The following SYK variants were observed in gnomAD, a reference collection of about 807,000 sequenced individuals.
SYK encodes tyrosine-protein kinase SYK.
A neutral mutation model predicts 77.8 loss-of-function variants in SYK; 16 were observed. The observed-to-expected ratio is 0.21, with a 90% confidence interval of 0.14 to 0.31. The LOEUF (loss-of-function observed/expected upper bound fraction) is 0.31, where lower values mean the gene tolerates loss of function less well. SYK is among the 10% of genes least tolerant of loss of function. The pLI, the probability that SYK is intolerant of heterozygous loss-of-function variation, is 1.00. For missense variants in SYK, 529 were observed against 814.4 expected, an observed-to-expected ratio of 0.65 and a Z score of 4.26; for synonymous variants, 312 against 308.7, an observed-to-expected ratio of 1.01 and a Z score of -0.11.
chr9:90,857,829 G>A (rs978920169), intron 3 of SYK, among the ~76,000 whole-genome samples: 2 of 151,612 alleles, frequency 1.3e-5, no homozygotes, highest in Non-Finnish European at 2.9e-5. Flanking sequence ...GCCCACCTTA[G>A]CCACAGTGAG....
At chr9:90,837,902 C>G (rs1483351565) in intron 1 of SYK, among the ~76,000 whole-genome samples, 1 of 152,244 alleles carries the variant, frequency 6.6e-6, no homozygotes, top group Non-Finnish European at 1.5e-5. Context: ...TCATGGCTTC[C>G]CTGCATCACT....
intron 1 of SYK, among the ~76,000 whole-genome samples, chr9:90,836,717 T>A (rs1163576811): frequency 1.3e-5 from 2 of 152,218 alleles, no homozygotes; most frequent in Non-Finnish European, 2.9e-5. Context: ...TTTTTCATAA[T>A]GTTTAGTGCA....
At position 90,877,686 on chromosome 9, in the gene SYK, G is replaced by A. The variant is rs1480802433; in HGVS notation, c.1297G>A (p.Val433Met). The A allele has an allele frequency of 1.2e-6, 2 of 1,614,226 alleles. No individual in the cohort carries two copies. ...VMQQLDNPYI[V>M]RMIGICEAES... is the part of the protein sequence containing the mutation. Reference sequence around the variant, plus strand: ...GCAGCAGCTGGACAACCCGTACATCGTGCGGATGATCGGGATATGCGAGGC... The same window carrying A: ...GCAGCAGCTGGACAACCCGTACATCATGCGGATGATCGGGATATGCGAGGC... The change falls in exon 10 of 14, where the codon GTG becomes ATG. Residue 433 changes from valine to methionine, a missense_variant. Around this residue, in one of 2 missense-constraint regions of SYK, gnomAD observed 208 missense variants for 381.3 expected, o/e 0.55. Transcript: ENST00000375754.
intron 3 of SYK, among the ~76,000 whole-genome samples, chr9:90,861,136 C>T (rs948353962): frequency 1.1e-4 from 17 of 152,124 alleles, no homozygotes; most frequent in African/African-American, 4.1e-4. Context: ...GGATTCGCAC[C>T]CATTTCGTGC....
chr9:90,821,503 T>C (rs1325059578), intron 1 of SYK, among the ~76,000 whole-genome samples: 1 of 152,178 alleles, frequency 6.6e-6, no homozygotes, highest in East Asian at 1.9e-4. Flanking sequence ...TCATGAGACT[T>C]ATTCACTACC....
At chr9:90,846,945 T>A (rs546802126) in intron 3 of SYK, among the ~76,000 whole-genome samples, 1 of 152,352 alleles carries the variant, frequency 6.6e-6, no homozygotes, top group Admixed American at 6.5e-5. Flanking sequence ...GCATGTGAAG[T>A]CAACCCAAAA....
At chr9:90,825,704 A>C (rs993454562) in intron 1 of SYK, among the ~76,000 whole-genome samples, 5 of 152,198 alleles carry the variant, frequency 3.3e-5, no homozygotes, top group Non-Finnish European at 7.3e-5. Flanking sequence ...ACATGTAGGA[A>C]GGGAGCAAGG....
At chr9:90,865,819 A>T (rs1251368047) in intron 6 of SYK, among the ~76,000 whole-genome samples, 2 of 148,480 alleles carry the variant, frequency 1.3e-5, no homozygotes, top group East Asian at 2.1e-4. Flanking sequence ...CCAGCCTGTT[A>T]GGAAGTCAGG....
intron 1 of SYK, among the ~76,000 whole-genome samples, chr9:90,824,487 T>G (rs1319877425): frequency 1.3e-5 from 2 of 151,930 alleles, no homozygotes; most frequent in Non-Finnish European, 2.9e-5. Flanking sequence ...TGTTAGAAAA[T>G]CAAACCCAAC....
intron 11 of SYK, among the ~76,000 whole-genome samples, chr9:90,887,107 T>C (rs1828606617): frequency 6.6e-6 from 1 of 152,224 alleles, no homozygotes; most frequent in African/African-American, 2.4e-5. Flanking sequence ...AGAGGATATT[T>C]CCTGTCATAG....
rs1828995582 is a variant in SYK, at chr9:90,896,536, G to A, written c.*936G>A. On this transcript the variant is annotated 3_prime_UTR_variant, in exon 14 of 14. Coordinates refer to ENST00000375754, the MANE Select transcript of SYK (RefSeq NM_003177.7). Reference sequence around the variant, plus strand: ...TCGCTTTCTGTGTCTGCAATGGGGGGCAGCACAGGGATCAAAGCCATCTAA... The same window carrying A: ...TCGCTTTCTGTGTCTGCAATGGGGGACAGCACAGGGATCAAAGCCATCTAA... 1.3e-5 allele frequency: 3 copies of A among 233,026 alleles called. No individual in the cohort carries two copies. Among genetic ancestry groups the A allele is most frequent in the Middle Eastern group, 2.6e-3 (2 of 784 alleles). The allele number at this position is 233,026 out of a possible 1,614,324, so 14.4% of individuals were successfully genotyped here.
intron 4 of SYK, among the ~76,000 whole-genome samples, chr9:90,863,507 A>G (rs549152752): frequency 3.3e-5 from 5 of 149,324 alleles, no homozygotes; most frequent in African/African-American, 1.2e-4. Flanking sequence ...CTGTAATTGG[A>G]AAAAAAAAAT....
intron 3 of SYK, among the ~76,000 whole-genome samples, chr9:90,854,590 C>G (rs766633316): frequency 1.3e-5 from 2 of 152,056 alleles, no homozygotes; most frequent in African/African-American, 4.8e-5. Flanking sequence ...CTCTTTAATA[C>G]ATTAGTTAAA....
At chr9:90,810,414 G>A (rs966831349) in intron 1 of SYK, among the ~76,000 whole-genome samples, 3 of 152,148 alleles carry the variant, frequency 2.0e-5, no homozygotes, top group Admixed American at 1.3e-4. Context: ...TCAATGGGGC[G>A]TAATCACTGC....
intron 1 of SYK, among the ~76,000 whole-genome samples, chr9:90,805,682 A>T (rs921795978): frequency 1.1e-4 from 17 of 152,222 alleles, no homozygotes; most frequent in African/African-American, 3.9e-4. Context: ...TCCCATGGTC[A>T]ACCTGGTAGT....
At chr9:90,857,103 A>G (rs1026865065) in intron 3 of SYK, among the ~76,000 whole-genome samples, 16 of 152,278 alleles carry the variant, frequency 1.1e-4, no homozygotes, top group Admixed American at 9.1e-4. Context: ...TTTGTCCTAT[A>G]CTTCAATTTC....
chr9:90,811,377 A>G (rs1397092627), intron 1 of SYK, among the ~76,000 whole-genome samples: 1 of 152,196 alleles, frequency 6.6e-6, no homozygotes, highest in Non-Finnish European at 1.5e-5. Context: ...AAGTGCTTTC[A>G]CTCAACAACT....
intron 13 of SYK, among the ~76,000 whole-genome samples, chr9:90,890,646 A>G (rs1307364105): frequency 6.6e-6 from 1 of 152,240 alleles, no homozygotes; most frequent in Non-Finnish European, 1.5e-5. Flanking sequence ...AAAGGAAATC[A>G]TGACAATGGC....
intron 13 of SYK, among the ~76,000 whole-genome samples, chr9:90,889,301 A>G (rs1165551715): frequency 4.6e-5 from 7 of 152,232 alleles, no homozygotes; most frequent in African/African-American, 1.7e-4. Flanking sequence ...TTGTGCGTGC[A>G]TAGCACGGTG....
Sources: allele counts gnomAD v4.1 joint callset (sites outside exome capture counted in the v4.1 genomes callset), GRCh38; gene constraint gnomAD v4.1.1; regional missense constraint gnomAD v4.1.1; transcripts MANE v1.5; gene names NCBI Gene and HGNC (gene_info 2026-07-23, HGNC 2026-07-21).